Variants in ZBTB7C observed in about 807,000 individuals in gnomAD.
ZBTB7C encodes zinc finger and BTB domain containing 7C.
Under a neutral mutation model 25.7 loss-of-function variants are expected in ZBTB7C, and 8 were observed. The ratio of observed to expected loss-of-function variants is 0.31; its 90% CI spans 0.18 to 0.56. The LOEUF is 0.56. ZBTB7C is among the 20% of genes least tolerant of loss of function. The pLI is 0.91. For synonymous variants in ZBTB7C, 394 were observed against 369.0 expected, an observed-to-expected ratio of 1.07 and a Z score of -0.78; for missense variants, 824 against 855.2, an observed-to-expected ratio of 0.96 and a Z score of 0.46.
At chr18:48,172,684 C>T (rs1348200157) in intron 3 of ZBTB7C, among the ~76,000 whole-genome samples, 1 of 152,258 alleles carries the variant, frequency 6.6e-6, no homozygotes, top group Non-Finnish European at 1.5e-5. Context: ...GCCCTCAGTT[C>T]CTTGGGCGGC....
intron 2 of ZBTB7C, among the ~76,000 whole-genome samples, chr18:48,276,893 T>C (rs1321920624): frequency 2.6e-4 from 31 of 119,754 alleles, no homozygotes; most frequent in African/African-American, 9.9e-4. Context: ...TCCACAATGG[T>C]TGAACTAGTT....
intron 3 of ZBTB7C, among the ~76,000 whole-genome samples, chr18:48,128,246 C>T (rs187922893): frequency 2.2e-4 from 33 of 152,308 alleles, no homozygotes; most frequent in Non-Finnish European, 3.4e-4. Flanking sequence ...TCCATTTAGC[C>T]GCCTGCCAGG....
At chr18:48,114,676 C>T (rs911208298) in intron 3 of ZBTB7C, among the ~76,000 whole-genome samples, 1 of 152,014 alleles carries the variant, frequency 6.6e-6, no homozygotes, top group Non-Finnish European at 1.5e-5. Flanking sequence ...TCCAATATTA[C>T]TGACCCCAAA....
chr18:48,154,671 A>C (rs950940791), intron 3 of ZBTB7C, among the ~76,000 whole-genome samples: 22 of 152,166 alleles, frequency 1.4e-4, no homozygotes, highest in Admixed American at 7.9e-4. Context: ...CTCTATTATA[A>C]AGGCAGTTTT....
At chr18:48,252,745 T>C (rs1286077396) in intron 2 of ZBTB7C, 1 of 152,284 alleles carries the variant, frequency 6.6e-6, no homozygotes, top group African/African-American at 2.4e-5. Flanking sequence ...ACTGATGCCA[T>C]TCCCCTCCCA....
chr18:48,185,153 G>A (rs750905843), intron 3 of ZBTB7C, among the ~76,000 whole-genome samples: 1 of 151,758 alleles, frequency 6.6e-6, no homozygotes, highest in Non-Finnish European at 1.5e-5. Context: ...TCAGACCCAT[G>A]CCTACACCAT....
intron 3 of ZBTB7C, chr18:48,150,802 T>C (rs2040653610): frequency 6.6e-6 from 1 of 152,252 alleles, no homozygotes; most frequent in South Asian, 2.1e-4. Flanking sequence ...AAGTCCCTGA[T>C]AAAGACTTTA....
At chr18:48,405,337 C>A (rs1435025799) in intron 1 of ZBTB7C, among the ~76,000 whole-genome samples, 1 of 152,146 alleles carries the variant, frequency 6.6e-6, no homozygotes. Context: ...CCTCGACCAG[C>A]CCCACACAGA....
intron 1 of ZBTB7C, among the ~76,000 whole-genome samples, chr18:48,385,146 C>T (rs2047719640): frequency 6.6e-6 from 1 of 152,208 alleles, no homozygotes; most frequent in Admixed American, 6.5e-5. Flanking sequence ...GCACCCACAT[C>T]CTTCAGATGG....
chr18:48,047,038 C>A (rs763029162), intron 3 of ZBTB7C, among the ~76,000 whole-genome samples: 7 of 152,190 alleles, frequency 4.6e-5, no homozygotes, highest in Non-Finnish European at 7.3e-5. Context: ...TAGCTCAAGG[C>A]TGTTTTTCCA....
chr18:48,328,181 CAAA>C (rs55654378), intron 2 of ZBTB7C, among the ~76,000 whole-genome samples: 6 of 58,834 alleles, frequency 1.0e-4, no homozygotes, highest in Non-Finnish European at 1.1e-4. Flanking sequence ...GACTCTGTCT[CAAA>C]AAAAAAAAAA....
intron 4 of ZBTB7C, among the ~76,000 whole-genome samples, chr18:48,032,585 C>T (rs2035809404): frequency 6.6e-6 from 1 of 151,872 alleles, no homozygotes; most frequent in South Asian, 2.1e-4. Context: ...CAGGTGCCCA[C>T]CACTACGCCT....
chr18:48,397,936 C>G (rs911599834), intron 1 of ZBTB7C, among the ~76,000 whole-genome samples: 1 of 152,200 alleles, frequency 6.6e-6, no homozygotes, highest in African/African-American at 2.4e-5. Context: ...AGCTTCCCTA[C>G]CTGCACACAC....
chr18:48,131,886 A>G (rs2144777428), intron 3 of ZBTB7C, among the ~76,000 whole-genome samples: 1 of 152,332 alleles, frequency 6.6e-6, no homozygotes, highest in African/African-American at 2.4e-5. Flanking sequence ...CATATTATCA[A>G]CAAGTGTTGG....
intron 3 of ZBTB7C, among the ~76,000 whole-genome samples, chr18:48,105,042 G>A (rs555158500): frequency 1.3e-5 from 2 of 152,370 alleles, no homozygotes; most frequent in South Asian, 4.1e-4. Flanking sequence ...TGCAGGGGAT[G>A]TCTTTCAACA....
chr18:48,277,418 A>T (rs2044696320), intron 2 of ZBTB7C, among the ~76,000 whole-genome samples: 1 of 152,112 alleles, frequency 6.6e-6, no homozygotes, highest in Non-Finnish European at 1.5e-5. Context: ...ACTGGCCATC[A>T]GAGAAATGCA....
chr18:48,195,016 C>T (rs775694499), intron 2 of ZBTB7C, among the ~76,000 whole-genome samples: 2 of 152,094 alleles, frequency 1.3e-5, no homozygotes, highest in Non-Finnish European at 2.9e-5. Flanking sequence ...GTAATCTCTG[C>T]GTACCAGCCT....
intron 3 of ZBTB7C, among the ~76,000 whole-genome samples, chr18:48,086,399 C>G (rs1353234953): frequency 6.6e-6 from 1 of 152,184 alleles, no homozygotes; most frequent in Non-Finnish European, 1.5e-5. Context: ...TTTCAGAAGG[C>G]AGGCTCCAGA....
At chr18:48,132,693 T>C (rs1478553192) in intron 3 of ZBTB7C, among the ~76,000 whole-genome samples, 1 of 152,262 alleles carries the variant, frequency 6.6e-6, no homozygotes, top group East Asian at 1.9e-4. Flanking sequence ...TAGATTTCCC[T>C]AGGGCTTATG....
Sources: gnomAD v4.1 joint callset for allele counts (sites outside exome capture counted in the v4.1 genomes callset) on GRCh38, gnomAD v4.1.1 for gene constraint, MANE v1.5 for transcripts, NCBI Gene and HGNC (gene_info 2026-07-23, HGNC 2026-07-21) for gene names.